Variants in SCN10A observed in about 807,000 individuals in gnomAD.
The protein encoded by SCN10A is sodium voltage-gated channel alpha subunit 10, also known as sodium channel protein type 10 subunit alpha.
In SCN10A, 162 loss-of-function variants were observed where a neutral mutation model predicts 170.7. That is an observed-to-expected ratio of 0.95 (90% confidence interval 0.84 to 1.08). The LOEUF (loss-of-function observed/expected upper bound fraction) is 1.08, where lower values mean the gene tolerates loss of function less well. Among genes scored for constraint, SCN10A ranks in the 50% least tolerant of loss-of-function variants. The pLI is 0.00. For missense variants in SCN10A, 2,527 were observed against 2,436.9 expected (o/e 1.04, Z -0.78); for synonymous variants, 985 against 904.6 (o/e 1.09, Z -1.59).
At chr3:38,783,522 T>C (rs1430985116) in intron 4 of SCN10A, among the ~76,000 whole-genome samples, 2 of 152,110 alleles carry the variant, frequency 1.3e-5, no homozygotes, top group Non-Finnish European at 2.9e-5. Flanking sequence ...TCCTTATTGT[T>C]GTGCAGCACT....
chr3:38,755,380 C>A (rs547290831), intron 11 of SCN10A, among the ~76,000 whole-genome samples: 3 of 152,190 alleles, frequency 2.0e-5, no homozygotes, highest in South Asian at 4.2e-4. Flanking sequence ...AGGAAGCTGA[C>A]CTTTGATGTC....
At chr3:38,794,415 TAGTCTACTTTATCTTA>T (rs2126062258) in intron 1 of SCN10A, among the ~76,000 whole-genome samples, 1 of 152,328 alleles carries the variant, frequency 6.6e-6, no homozygotes, top group South Asian at 2.1e-4. Context: ...CTTTGGTTTA[TAGTCTACTTTATCTTA>T]AGTCTCATGC....
intron 3 of SCN10A, among the ~76,000 whole-genome samples, chr3:38,790,337 T>C (rs2064264969): frequency 6.6e-6 from 1 of 152,052 alleles, no homozygotes; most frequent in South Asian, 2.1e-4. Context: ...TTATGAGATT[T>C]AAATGCAGAC....
chr3:38,752,266 G>A lies in SCN10A; in HGVS notation c.1708C>T (p.Gln570Ter). 1 of 1,581,486 alleles carries A rather than the reference G, an allele frequency of 6.3e-7. No homozygotes were observed. Among genetic ancestry groups the A allele is most frequent in the Non-Finnish European group, 8.6e-7 (1 of 1,163,124 alleles). ...GCAAGCTCACTAGTGGGCGGCGGTT[G>A]GTGTTCATCTTCTCCATGCCTGGAG... ...PDSRHGEDEH[Q>*]PPPTSELAPG... is the part of the protein sequence containing the mutation. The change falls in exon 12 of 28, where the codon CAA (glutamine) becomes TAA (stop). Residue 570 changes from glutamine to a stop codon, truncating the protein, a stop_gained. Transcript: ENST00000449082. LOFTEE classifies it high-confidence loss of function.
chr3:38,740,353 G>A (rs1473696160), intron 14 of SCN10A, among the ~76,000 whole-genome samples: 1 of 152,230 alleles, frequency 6.6e-6, no homozygotes, highest in African/African-American at 2.4e-5. Flanking sequence ...GCAGGGAAGG[G>A]AGACAGAGAA....
intron 13 of SCN10A, among the ~76,000 whole-genome samples, chr3:38,746,629 C>T (rs1670123519): frequency 6.6e-6 from 1 of 152,158 alleles, no homozygotes; most frequent in South Asian, 2.1e-4. Context: ...CAACTCATCC[C>T]TCTAGCCTTA....
At chr3:38,759,925 G>GT (rs1033528723) in intron 8 of SCN10A, among the ~76,000 whole-genome samples, 1 of 152,210 alleles carries the variant, frequency 6.6e-6, no homozygotes, top group Non-Finnish European at 1.5e-5. Context: ...TGATACATGT[G>GT]TTTTTTCCTC....
intron 26 of SCN10A, 84 bp downstream of exon 26, chr3:38,707,195 C>T (rs1418647713): frequency 1.3e-5 from 18 of 1,422,140 alleles, no homozygotes; most frequent in African/African-American, 2.8e-5. Context: ...AACAGCACTC[C>T]CTCAGGCCCC....
At chr3:38,771,232 G>T (rs376226677) in intron 5 of SCN10A, 47 bp downstream of exon 5, 1 of 1,601,378 alleles carries the variant, frequency 6.2e-7, no homozygotes, top group Admixed American at 1.7e-5. Flanking sequence ...CCACCATTTT[G>T]TCCCCTCTCC....
chr3:38,752,305 G>A lies in SCN10A; in HGVS notation c.1669C>T (p.Pro557Ser). 1 of 1,610,310 alleles carries A rather than the reference G, an allele frequency of 6.2e-7. No homozygotes were observed. Among genetic ancestry groups the A allele is most frequent in the Non-Finnish European group, 8.5e-7 (1 of 1,178,278 alleles). Residue 557 changes from proline to serine, a missense_variant, in exon 12 of 28, where the codon CCC (proline) becomes TCC (serine). Coordinates refer to ENST00000449082, the MANE Select transcript of SCN10A (RefSeq NM_006514.4). ...GPLPRSPLPQ[P>S]SNPDSRHGED... Reference sequence around the variant, plus strand: ...CCATGCCTGGAGTCAGGGTTGCTGGGTTGAGGAAGAGGGCTTCTAGGGAGG... The same window carrying A: ...CCATGCCTGGAGTCAGGGTTGCTGGATTGAGGAAGAGGGCTTCTAGGGAGG...
At position 38,770,909 on chromosome 3, in the gene SCN10A, T is replaced by G. The variant is rs898217982; in HGVS notation, c.599+370A>C. Reference sequence around the variant, plus strand: ...GCACTTCCCTTTGCTGTTTCTACTTTTATATTTTGTGTGGCTTCCTAAATT... The same window carrying G: ...GCACTTCCCTTTGCTGTTTCTACTTGTATATTTTGTGTGGCTTCCTAAATT... On this transcript the variant is annotated intron_variant, in intron 5 of 27. Transcript: ENST00000449082. Among the ~76,000 whole-genome samples, 4 of 152,156 alleles carry G rather than the reference T, an allele frequency of 2.6e-5. No homozygotes were observed. In the East Asian group the frequency reaches 7.7e-4, roughly 29 times the overall value.
chr3:38,735,031 A>G (rs1489194490), intron 15 of SCN10A, among the ~76,000 whole-genome samples: 1 of 151,976 alleles, frequency 6.6e-6, no homozygotes, highest in Non-Finnish European at 1.5e-5. Context: ...TTAGCCAGGC[A>G]TGGTGGTGGG....
At position 38,746,826 on chromosome 3, in the gene SCN10A, C is replaced by T. The variant is rs548396932; in HGVS notation, c.1867+3247G>A. 5.9e-5 allele frequency among the ~76,000 whole-genome samples: 9 copies of T among 152,306 alleles called. No homozygotes were observed. The East Asian group carries it at 1.7e-3, about 29-fold the overall frequency. On this transcript the variant is annotated intron_variant, in intron 13 of 27. Coordinates refer to ENST00000449082, the MANE Select transcript of SCN10A (RefSeq NM_006514.4). ...AAGGCACTCACCACTCCAGTAAGCT[C>T]ACTGCTGTGACCCAGCTTCTGGAAT...
intron 4 of SCN10A, 75 bp from the exon 5 acceptor site, chr3:38,771,482 A>C: frequency 1.3e-6 from 2 of 1,486,306 alleles, no homozygotes; most frequent in Non-Finnish European, 1.9e-6. Context: ...TCCAGGAGGG[A>C]GGGATGACCT....
intron 4 of SCN10A, among the ~76,000 whole-genome samples, chr3:38,771,675 G>A (rs1398848011): frequency 1.3e-5 from 2 of 152,230 alleles, no homozygotes; most frequent in Non-Finnish European, 2.9e-5. Flanking sequence ...GGGTTAGGCA[G>A]AGGGCAGTAG....
At chr3:38,782,046 G>A (rs1411339759) in intron 4 of SCN10A, among the ~76,000 whole-genome samples, 2 of 151,746 alleles carry the variant, frequency 1.3e-5, no homozygotes, top group Admixed American at 6.6e-5. Context: ...ATTTCCATTT[G>A]GTGATTCCTT....
rs768500142 is a variant in SCN10A, at chr3:38,723,550, C to T, written c.3232G>A (p.Val1078Met). The T allele has an allele frequency of 3.1e-6, 5 of 1,589,398 alleles. No individual in the cohort carries two copies. The highest frequency in any genetic ancestry group is 4.3e-6 in the Non-Finnish European group (5 of 1,167,132). The change falls in exon 19 of 28, where the codon GTG becomes ATG. Residue 1078 changes from valine (V) to methionine (M), a missense_variant. Physicochemically the swap from Val to Met is conservative, Grantham distance 21. Coordinates refer to ENST00000449082, the MANE Select transcript of SCN10A (RefSeq NM_006514.4). ...ESVPQVPAEG[V>M]DDTSSSEGST... ...CCCTCAGAGGAGCTTGTGTCGTCCA[C>T]TCCCTGCAGGGGAGAAGCCCAGGGC...
At chr3:38,719,367 C>T (rs1230327408) in intron 20 of SCN10A, among the ~76,000 whole-genome samples, 2 of 69,130 alleles carry the variant, frequency 2.9e-5, no homozygotes, top group Non-Finnish European at 5.7e-5. Context: ...GGCTGCCACT[C>T]TTTTTTTTTT....
At position 38,752,404 on chromosome 3, in the gene SCN10A, C is replaced by A; in HGVS notation, c.1570G>T (p.Gly524Ter). The A allele has an allele frequency of 6.2e-7, 1 of 1,613,904 alleles. No individual in the cohort carries two copies. The highest frequency in any genetic ancestry group is 8.5e-7 in the Non-Finnish European group (1 of 1,179,912). ...CTTTCGTGGTCTCCAGGAAAGACTC[C>A]ATCATCTGTGACTCCCTCAGGGAGT... ...ISLPEGVTDDGVFPGDHESHR... is the reference protein window; with the variant it reads ...ISLPEGVTDD The change falls in exon 12 of 28, where the codon GGA becomes TGA. Residue 524 changes from glycine to a stop codon, truncating the protein, a stop_gained. Coordinates refer to ENST00000449082, the MANE Select transcript of SCN10A (RefSeq NM_006514.4). LOFTEE classifies it high-confidence loss of function.
Sources: allele counts gnomAD v4.1 joint callset (sites outside exome capture counted in the v4.1 genomes callset), GRCh38; gene constraint gnomAD v4.1.1; transcripts MANE v1.5; gene names NCBI Gene and HGNC (gene_info 2026-07-23, HGNC 2026-07-21).